The following SMYD3 variants were observed in gnomAD, a reference collection of about 807,000 sequenced individuals.
SMYD3 encodes SET and MYND domain containing 3, also known as histone-lysine N-methyltransferase SMYD3.
Under a neutral mutation model 57.7 loss-of-function variants are expected in SMYD3, and 36 were observed. The observed-to-expected ratio is 0.62, with a 90% CI of 0.48 to 0.82. SMYD3 has a LOEUF of 0.82. SMYD3 is among the 40% of genes least tolerant of loss of function. The pLI is 0.00. For synonymous variants in SMYD3, 211 were observed against 195.0 expected (o/e 1.08, Z -0.68); for missense variants, 515 against 538.8 (o/e 0.96, Z 0.44).
chr1:246,187,385 A>G (rs2062659874), intron 5 of SMYD3, among the ~76,000 whole-genome samples: 1 of 152,240 alleles, frequency 6.6e-6, no homozygotes, highest in South Asian at 2.1e-4. Context: ...TGAGAAAACA[A>G]TAAGGTTCTT....
intron 5 of SMYD3, among the ~76,000 whole-genome samples, chr1:246,213,276 A>G (rs1047582489): frequency 6.6e-6 from 1 of 152,110 alleles, no homozygotes; most frequent in Non-Finnish European, 1.5e-5. Flanking sequence ...AGACTTTCCA[A>G]TGCTTACACA....
intron 5 of SMYD3, among the ~76,000 whole-genome samples, chr1:246,083,521 C>CCGTATGCTGAGCGCCGGTCCT (rs1558212900): frequency 7.9e-4 from 8 of 10,102 alleles, no homozygotes; most frequent in African/African-American, 3.8e-3. Context: ...GCGCGGGTCC[C>CCGTATGCTGAGCGCCGGTCCT]CTGCGCCCAC....
intron 2 of SMYD3, among the ~76,000 whole-genome samples, chr1:246,347,085 T>C (rs747103647): frequency 1.7e-4 from 26 of 152,002 alleles, no homozygotes; most frequent in African/African-American, 3.6e-4. Flanking sequence ...GAAGAATCTC[T>C]GAGCTGAAAT....
chr1:246,490,407 C>T (rs1276257942), intron 1 of SMYD3, among the ~76,000 whole-genome samples: 3 of 152,154 alleles, frequency 2.0e-5, no homozygotes, highest in Non-Finnish European at 4.4e-5. Context: ...GTCACTGAGA[C>T]ATTTATTGAA....
intron 5 of SMYD3, among the ~76,000 whole-genome samples, chr1:246,081,695 C>G (rs2060639879): frequency 6.6e-6 from 1 of 152,152 alleles, no homozygotes; most frequent in Non-Finnish European, 1.5e-5. Flanking sequence ...CACCCAGCCC[C>G]TAGCTTCTAT....
At position 246,161,394 on chromosome 1, in the gene SMYD3, C is replaced by G. The variant is rs188095882; in HGVS notation, c.531+165807G>C. Among the ~76,000 whole-genome samples, 11 of 152,308 alleles carry G rather than the reference C, an allele frequency of 7.2e-5. No individual in the cohort carries two copies. The East Asian group carries it at 2.1e-3, about 29-fold the overall frequency. On this transcript the variant is annotated intron_variant, in intron 5 of 11. Transcript: ENST00000490107. ...CACAGGCTGTTCCCTCCATTTCAGG[C>G]ATCCTCTCTTCCAGGCTGAACCCGT...
At chr1:246,272,666 T>C (rs548042412) in intron 5 of SMYD3, among the ~76,000 whole-genome samples, 9 of 152,364 alleles carry the variant, frequency 5.9e-5, no homozygotes, top group Middle Eastern at 3.4e-3. Flanking sequence ...CCTTTTAATA[T>C]GCTGCTAAAT....
In SMYD3 at chr1:245,839,290, C is replaced by G. The variant is rs1177299176; in HGVS notation, c.1076+19206G>C. On this transcript the variant is annotated intron_variant, in intron 10 of 11. Coordinates refer to ENST00000490107, the MANE Select transcript of SMYD3 (RefSeq NM_001167740.2). ...GTTCACGCCATTCTCCTGCCTCAGC[C>G]TCCCACGTAGCTGGGACTACAGGTG... 2.0e-5 allele frequency among the ~76,000 whole-genome samples: 3 copies of G among 152,332 alleles called. No individual in the cohort carries two copies. In the South Asian group the frequency reaches 6.2e-4, roughly 32 times the overall value.
intron 5 of SMYD3, among the ~76,000 whole-genome samples, chr1:246,140,775 G>A (rs952212350): frequency 3.3e-5 from 5 of 151,970 alleles, no homozygotes; most frequent in Non-Finnish European, 7.4e-5. Flanking sequence ...ATCATGCCCC[G>A]TTAGAGATGG....
intron 5 of SMYD3, chr1:246,113,807 C>T (rs1232576782): frequency 6.6e-6 from 1 of 152,190 alleles, no homozygotes; most frequent in African/African-American, 2.4e-5. Flanking sequence ...ATATCTCATA[C>T]TCCTCGAATC....
At chr1:246,495,341 T>G (rs57545587) in intron 1 of SMYD3, among the ~76,000 whole-genome samples, 11,586 of 93,728 alleles carry the variant, frequency 0.12, 547 homozygotes, top group Middle Eastern at 0.34. Context: ...AGAGCAAGAC[T>G]CCGTCTCAAA....
chr1:246,136,416 A>AT (rs2061666439), intron 5 of SMYD3, among the ~76,000 whole-genome samples: 1 of 152,210 alleles, frequency 6.6e-6, no homozygotes, highest in African/African-American at 2.4e-5. Flanking sequence ...GTTGTGAATA[A>AT]TGCTGCCCCA....
chr1:246,214,325 G>A (rs977513399), intron 5 of SMYD3, among the ~76,000 whole-genome samples: 1 of 152,140 alleles, frequency 6.6e-6, no homozygotes, highest in African/African-American at 2.4e-5. Flanking sequence ...AAATGTCATA[G>A]CAATCCAGCT....
At chr1:246,073,994 C>G (rs144973583) in intron 5 of SMYD3, among the ~76,000 whole-genome samples, 1 of 152,296 alleles carries the variant, frequency 6.6e-6, no homozygotes, top group East Asian at 1.9e-4. Flanking sequence ...CAACCTGTGG[C>G]CCAGCATGGC....
At chr1:246,388,077 T>C (rs2066515590) in intron 1 of SMYD3, among the ~76,000 whole-genome samples, 1 of 83,652 alleles carries the variant, frequency 1.2e-5, no homozygotes, top group Non-Finnish European at 2.4e-5. Flanking sequence ...CTAGGGGACC[T>C]CCTTGTAGAA....
chr1:246,473,977 CA>C (rs948464723), intron 1 of SMYD3, among the ~76,000 whole-genome samples: 1 of 152,044 alleles, frequency 6.6e-6, no homozygotes, highest in South Asian at 2.1e-4. Flanking sequence ...CAAAAGATAA[CA>C]AAAAAATCTG....
chr1:245,969,160 T>C (rs773131884), intron 5 of SMYD3, among the ~76,000 whole-genome samples: 3 of 152,240 alleles, frequency 2.0e-5, no homozygotes, highest in Non-Finnish European at 4.4e-5. Context: ...AAAATAACTT[T>C]GCTAGCTTTC....
chr1:246,009,805 CTTT>C (rs74163100), intron 5 of SMYD3, among the ~76,000 whole-genome samples: 13 of 75,612 alleles, frequency 1.7e-4, no homozygotes, highest in African/African-American at 6.1e-4. Context: ...CATGTAAGAT[CTTT>C]TTTTTTTTTT....
At chr1:246,141,280 C>T (rs943394625) in intron 5 of SMYD3, among the ~76,000 whole-genome samples, 2 of 152,202 alleles carry the variant, frequency 1.3e-5, no homozygotes, top group Non-Finnish European at 2.9e-5. Context: ...TGTATACACA[C>T]AACAGAACTG....
Sources: gnomAD v4.1 joint callset for allele counts (sites outside exome capture counted in the v4.1 genomes callset) on GRCh38, gnomAD v4.1.1 for gene constraint, MANE v1.5 for transcripts, NCBI Gene and HGNC (gene_info 2026-07-23, HGNC 2026-07-21) for gene names.